TBCD: variants seen among roughly 807,000 people sequenced by gnomAD.
The protein encoded by TBCD is tubulin folding cofactor D.
In TBCD, 105 loss-of-function variants were observed where a neutral mutation model predicts 169.3. The observed-to-expected ratio is 0.62, with a 90% CI of 0.53 to 0.73. The LOEUF (loss-of-function observed/expected upper bound fraction) is 0.73. Ranked by LOEUF, TBCD falls within the 30% of genes least tolerant of loss-of-function variation. The probability of loss-of-function intolerance (pLI) is 0.00; values close to 1 mark genes in which losing one functional copy is unlikely to be tolerated. For synonymous variants in TBCD, 700 were observed against 643.9 expected (o/e 1.09, Z -1.32); for missense variants, 1,444 against 1,600.1 (o/e 0.90, Z 1.66).
chr17:82,855,358 G>A (rs1337806229), intron 13 of TBCD, among the ~76,000 whole-genome samples: 2 of 147,946 alleles, frequency 1.4e-5, no homozygotes, highest in Admixed American at 7.0e-5. Context: ...TTGGCCTCCT[G>A]GACTAAAGCG....
At chr17:82,819,057 CA>C (rs991024026) in intron 13 of TBCD, among the ~76,000 whole-genome samples, 1 of 150,108 alleles carries the variant, frequency 6.7e-6, no homozygotes, top group East Asian at 2.0e-4. Flanking sequence ...GATCCTGTCT[CA>C]AAAAAAAGAA....
chr17:82,927,218 C>T lies in TBCD; in HGVS notation c.2504C>T (p.Ala835Val). 6.2e-7 allele frequency: 1 copy of T among 1,613,982 alleles called. No individual in the cohort carries two copies. The highest frequency in any genetic ancestry group is 8.5e-7 in the Non-Finnish European group (1 of 1,179,886). Residue 835 changes from alanine (A) to valine (V), a missense_variant, in exon 29 of 39, where the codon GCC (alanine) becomes GTC (valine). Ala to Val is a moderately conservative substitution (Grantham distance 64). Coordinates refer to ENST00000355528, the MANE Select transcript of TBCD (RefSeq NM_005993.5). The part of the protein sequence containing the change: ...ICQTVGVKAG[A>V]PDEAVCGENV... ...CAGACTGTTGGTGTGAAAGCAGGAG[C>T]CCCAGACGAAGCTGTGTGCGGAGAG... is the stretch of plus-strand genomic sequence containing the variant.
At position 82,909,460 on chromosome 17, in the gene TBCD, A is replaced by G. The variant is rs562852058; in HGVS notation, c.2006+153A>G. On this transcript the variant is annotated intron_variant, in intron 22 of 38. Transcript: ENST00000355528. ...TCACCCGGCCCGCTGTGGGAGGCGC[A>G]TGAGGGTCTGACCTGGTTGTGTGAT... 3.2e-3 allele frequency among the ~76,000 whole-genome samples: 390 copies of G among 123,484 alleles called. No homozygotes were observed. In the Middle Eastern group the frequency reaches 0.032, roughly 10 times the overall value. The allele number at this position is 123,484 out of a possible 152,430, so 81.0% of individuals were successfully genotyped here. A position where few individuals can be genotyped will look rare whatever the true frequency, so the allele number is the denominator to read the frequency against.
intron 13 of TBCD, among the ~76,000 whole-genome samples, chr17:82,816,200 C>T (rs886702011): frequency 7.2e-5 from 11 of 152,174 alleles, no homozygotes; most frequent in African/African-American, 1.7e-4. Flanking sequence ...TTCTCTGTGT[C>T]GTAGCCTGTG....
chr17:82,920,163 G>A lies in TBCD; in HGVS notation c.2039-393G>A, dbSNP rs2061330159. 6.6e-6 allele frequency among the ~76,000 whole-genome samples: 1 copy of A among 152,226 alleles called. No homozygotes were observed. Among genetic ancestry groups the A allele is most frequent in the South Asian group, 2.1e-4 (1 of 4,832 alleles). On this transcript the variant is annotated intron_variant, in intron 23 of 38. Coordinates refer to ENST00000355528, the MANE Select transcript of TBCD (RefSeq NM_005993.5). The surrounding 1 kb of genome is among the most constrained non-coding windows in gnomAD (Gnocchi z 4.1). ...TGACCTGTGGTCTGGAGCATTGCAG[G>A]TGATGGCTGTCTGTCGCTTGGGTCC...
At chr17:82,781,510 G>GGT in intron 6 of TBCD, 79 bp from the exon 7 acceptor site, 1 of 1,561,454 alleles carries the variant, frequency 6.4e-7, no homozygotes, top group East Asian at 2.3e-5. Flanking sequence ...TGGGGAGGTG[G>GGT]GTGTGTGTGG....
chr17:82,800,597 C>G (rs2050440251), intron 8 of TBCD, among the ~76,000 whole-genome samples: 1 of 152,130 alleles, frequency 6.6e-6, no homozygotes, highest in Non-Finnish European at 1.5e-5. Flanking sequence ...TCGGTTGGGC[C>G]TTTGTGTGTG....
chr17:82,836,729 A>C (rs975448560), intron 13 of TBCD, among the ~76,000 whole-genome samples: 1 of 152,088 alleles, frequency 6.6e-6, no homozygotes, highest in African/African-American at 2.4e-5. Flanking sequence ...AAACAAAAAA[A>C]CAAAAAAACC....
chr17:82,767,408 C>T (rs2048068144), intron 4 of TBCD, among the ~76,000 whole-genome samples: 1 of 151,938 alleles, frequency 6.6e-6, no homozygotes, highest in Non-Finnish European at 1.5e-5. Context: ...TAAGGGTACT[C>T]CTTTTTTATT....
intron 28 of TBCD, chr17:82,926,930 TG>T (rs1262787332): frequency 1.1e-5 from 6 of 553,240 alleles, no homozygotes; most frequent in African/African-American, 9.5e-5. Context: ...CTAGTCAGGG[TG>T]GGAAGTGGGA....
rs370079956 is a variant in TBCD, at chr17:82,764,080, CT to C, written c.333+20del. ...TCACCAAGGTAACATTTCCATAGCA[CT>C]TCAGAGTTGACAGATACTTTTGTAA... On this transcript the variant is annotated intron_variant, in intron 3 of 38. Coordinates refer to ENST00000355528, the MANE Select transcript of TBCD (RefSeq NM_005993.5). 2.7e-5 allele frequency: 42 copies of C among 1,581,796 alleles called. No homozygotes were observed. The African/African-American group carries it at 4.7e-4, about 18-fold the overall frequency.
intron 2 of TBCD, among the ~76,000 whole-genome samples, chr17:82,758,659 TTC>T (rs2047577495): frequency 7.2e-6 from 1 of 139,146 alleles, no homozygotes. Context: ...TTTTTTTTTT[TTC>T]TTTTTTTTTT....
At chr17:82,852,313 C>G (rs1435648514) in intron 13 of TBCD, among the ~76,000 whole-genome samples, 1 of 152,166 alleles carries the variant, frequency 6.6e-6, no homozygotes, top group Non-Finnish European at 1.5e-5. Context: ...CCCAGCAGTG[C>G]TCCTTTTCTT....
rs1039205474 is a variant in TBCD, at chr17:82,789,280, G to A, written c.771+7559G>A. 3.3e-5 allele frequency among the ~76,000 whole-genome samples: 5 copies of A among 152,214 alleles called. No individual in the cohort carries two copies. The highest frequency in any genetic ancestry group is 1.2e-4 in the African/African-American group (5 of 41,456). On this transcript the variant is annotated intron_variant, in intron 7 of 38. Coordinates refer to ENST00000355528, the MANE Select transcript of TBCD (RefSeq NM_005993.5). The surrounding 1 kb of genome is among the most constrained non-coding windows in gnomAD (Gnocchi z 4.8). ...GCATTTTATGTGGGGCGGGCACAGT[G>A]CCGTGAGTCTTACAGAAACCTGCAT...
chr17:82,794,036 C>G (rs1158492356), intron 7 of TBCD, among the ~76,000 whole-genome samples: 1 of 152,230 alleles, frequency 6.6e-6, no homozygotes, highest in Non-Finnish European at 1.5e-5. Flanking sequence ...CCGGCACTCA[C>G]AGCTTCTCAG....
Position 82,847,924 on chromosome 17 carries a change from C to T in TBCD, c.1319-22300C>T, listed in dbSNP as rs115634203. On this transcript the variant is annotated intron_variant, in intron 13 of 38. Coordinates refer to ENST00000355528, the MANE Select transcript of TBCD (RefSeq NM_005993.5). ...GGATTACAGGCGTGAGCCACCGGGC[C>T]GGGCCCACGATTTGAATTTTTATGG... 8.4e-3 allele frequency among the ~76,000 whole-genome samples: 1,274 copies of T among 152,308 alleles called. 20 individuals are homozygous for T. Among genetic ancestry groups the T allele is most frequent in the African/African-American group, 0.029 (1,193 of 41,558 alleles).
intron 13 of TBCD, chr17:82,858,595 G>C (rs1251569887): frequency 8.1e-6 from 8 of 985,320 alleles, no homozygotes; most frequent in Non-Finnish European, 9.6e-6. Context: ...AGTGCTGTGT[G>C]GACGGCCTGG....
In TBCD at chr17:82,884,506, C is replaced by T. The variant is rs909192380; in HGVS notation, c.1533+304C>T. On this transcript the variant is annotated intron_variant, in intron 15 of 38. Coordinates refer to ENST00000355528, the MANE Select transcript of TBCD (RefSeq NM_005993.5). This position sits in a 1 kb window ranked among gnomAD's most constrained non-coding sequence, Gnocchi z 4.2. ...ACAGGTCTTGGTGCAGGCAGCTGCA[C>T]GCTGAAGACGCAGAAGAGAGTGGGT... 1.3e-5 allele frequency among the ~76,000 whole-genome samples: 2 copies of T among 152,196 alleles called. No individual in the cohort carries two copies. The highest frequency in any genetic ancestry group is 6.5e-5 in the Admixed American group (1 of 15,282).
intron 13 of TBCD, 95 bp downstream of exon 13, chr17:82,815,029 G>C: frequency 6.4e-7 from 1 of 1,565,222 alleles, no homozygotes; most frequent in Non-Finnish European, 8.6e-7. Flanking sequence ...TGGATGGTGA[G>C]TAGCTGAAGC....
Sources: gnomAD v4.1 joint callset for allele counts (sites outside exome capture counted in the v4.1 genomes callset) on GRCh38, gnomAD v4.1.1 for gene constraint, Gnocchi (gnomAD v3.1) non-coding constraint, MANE v1.5 for transcripts, NCBI Gene and HGNC (gene_info 2026-07-23, HGNC 2026-07-21) for gene names.